NPFFR1: variants seen among roughly 807,000 people sequenced by gnomAD.
NPFFR1 encodes the protein neuropeptide FF receptor 1.
NPFFR1 carries 17 observed loss-of-function variants against 12.7 expected under a neutral mutation model. The observed-to-expected ratio is 1.34, with a 90% CI of 0.92 to 2.01. The LOEUF (loss-of-function observed/expected upper bound fraction) is 2.01. Among genes scored for constraint, NPFFR1 ranks in the 30% most tolerant of loss-of-function variants. The pLI, the probability that NPFFR1 is intolerant of heterozygous loss-of-function variation, is 0.00. For synonymous variants in NPFFR1, 296 were observed against 264.5 expected (o/e 1.12, Z -1.16); for missense variants, 604 against 606.5 (o/e 1.00, Z 0.04).
rs538253029 is a variant in NPFFR1, at chr10:70,259,286, C to A, written c.422+1354G>T. Among the ~76,000 whole-genome samples the A allele has an allele frequency of 1.2e-3, 173 of 148,308 alleles. 1 individual carries two copies. The highest frequency in any genetic ancestry group is 4.3e-3 in the African/African-American group (169 of 39,380). ...GTGACAGAGCAAGACTCTGTCTCCC[C>A]CCTCAAAAAAAAAAAAGAAAGAAAG... On this transcript the variant is annotated intron_variant, in intron 3 of 3. Coordinates refer to ENST00000277942, the MANE Select transcript of NPFFR1 (RefSeq NM_022146.5).
intron 1 of NPFFR1, among the ~76,000 whole-genome samples, chr10:70,281,972 A>G (rs114289406): frequency 1.7e-3 from 256 of 152,356 alleles, no homozygotes; most frequent in African/African-American, 5.9e-3. Flanking sequence ...GGTCAAAACT[A>G]ATCTTAGCAG....
At chr10:70,260,280 C>A (rs930197291) in intron 3 of NPFFR1, among the ~76,000 whole-genome samples, 1 of 152,150 alleles carries the variant, frequency 6.6e-6, no homozygotes, top group Admixed American at 6.5e-5. Flanking sequence ...CGTGACCCAC[C>A]CATAAGCTGG....
chr10:70,273,248 A>C (rs1192725182), intron 1 of NPFFR1, among the ~76,000 whole-genome samples: 1 of 152,174 alleles, frequency 6.6e-6, no homozygotes, highest in Non-Finnish European at 1.5e-5. Flanking sequence ...GGTATTTTTC[A>C]AAAAACTCCC....
In NPFFR1 at chr10:70,283,765, C is replaced by T; in HGVS notation, c.-89G>A. On this transcript the variant is annotated 5_prime_UTR_variant, in exon 1 of 4. Coordinates refer to ENST00000277942, the MANE Select transcript of NPFFR1 (RefSeq NM_022146.5). ...AGCGGGCAGAGGGACGGTCTCCGGG[C>T]ACTTGGTTGCGGGCTGCGCCCCTGC... 1 of 1,444,198 alleles carries T rather than the reference C, an allele frequency of 6.9e-7. No homozygotes were observed. The highest frequency in any genetic ancestry group is 1.2e-5 in the South Asian group (1 of 81,678). 89.5% of individuals were successfully genotyped at this position (1,444,198 alleles called of 1,614,324 possible).
At chr10:70,262,814 C>T (rs1283482248) in intron 2 of NPFFR1, among the ~76,000 whole-genome samples, 1 of 152,080 alleles carries the variant, frequency 6.6e-6, no homozygotes, top group Admixed American at 6.6e-5. Flanking sequence ...CCCTTGAGAG[C>T]ACCTAGAAGA....
At chr10:70,260,069 G>A (rs1840616714) in intron 3 of NPFFR1, among the ~76,000 whole-genome samples, 1 of 152,238 alleles carries the variant, frequency 6.6e-6, no homozygotes, top group Non-Finnish European at 1.5e-5. Context: ...TTGATTGCAA[G>A]CCTCCTTCTC....
chr10:70,281,928 T>A (rs1479084149), intron 1 of NPFFR1, among the ~76,000 whole-genome samples: 1 of 152,214 alleles, frequency 6.6e-6, no homozygotes, highest in South Asian at 2.1e-4. Context: ...AAGTGTACAC[T>A]GTGTTTGGTC....
At chr10:70,266,853 T>C (rs1436857126) in intron 1 of NPFFR1, among the ~76,000 whole-genome samples, 1 of 152,206 alleles carries the variant, frequency 6.6e-6, no homozygotes, top group Non-Finnish European at 1.5e-5. Flanking sequence ...CCCAATTCTT[T>C]CAGCAGCTGT....
At chr10:70,278,673 C>A (rs60559148) in intron 1 of NPFFR1, among the ~76,000 whole-genome samples, 1 of 152,094 alleles carries the variant, frequency 6.6e-6, no homozygotes, top group Non-Finnish European at 1.5e-5. Context: ...AATCAATTCA[C>A]GAGTTTTTTC....
intron 3 of NPFFR1, among the ~76,000 whole-genome samples, chr10:70,259,643 G>A (rs1449162352): frequency 6.6e-6 from 1 of 152,228 alleles, no homozygotes; most frequent in East Asian, 1.9e-4. Flanking sequence ...GAGGTGGAGA[G>A]AGGATGTGAA....
chr10:70,283,949 C>G lies in NPFFR1; in HGVS notation c.-273G>C, dbSNP rs989883692. Among the ~76,000 whole-genome samples the G allele has an allele frequency of 1.3e-5, 2 of 152,172 alleles. No homozygotes were observed. The highest frequency in any genetic ancestry group is 4.8e-5 in the African/African-American group (2 of 41,452). ...CAGCCGCCCGCCGCCCCTCGCCTCCCGACCAGGGGAAGGAGGGGGCTCGTG... is the reference window on the plus strand; with the variant it reads ...CAGCCGCCCGCCGCCCCTCGCCTCCGGACCAGGGGAAGGAGGGGGCTCGTG... On this transcript the variant is annotated 5_prime_UTR_variant, in exon 1 of 4. Coordinates refer to ENST00000277942, the MANE Select transcript of NPFFR1 (RefSeq NM_022146.5).
intron 1 of NPFFR1, chr10:70,278,066 T>TG (rs1840822998): frequency 4.0e-6 from 2 of 494,424 alleles, no homozygotes; most frequent in Non-Finnish European, 8.1e-6. Flanking sequence ...ATATGGGAAC[T>TG]GGTGAGGAGA....
intron 1 of NPFFR1, among the ~76,000 whole-genome samples, chr10:70,280,396 T>C (rs1840848089): frequency 6.6e-6 from 1 of 152,242 alleles, no homozygotes; most frequent in Non-Finnish European, 1.5e-5. Context: ...CACTTACTTA[T>C]CTTTCGTCTT....
At chr10:70,264,387 A>AAAAG (rs1564594985) in intron 2 of NPFFR1, among the ~76,000 whole-genome samples, 30 of 148,848 alleles carry the variant, frequency 2.0e-4, no homozygotes, top group African/African-American at 6.2e-4. Context: ...AAAAAAAAAA[A>AAAAG]AAAGAAAGAA....
At chr10:70,279,345 C>T (rs1339229397) in intron 1 of NPFFR1, among the ~76,000 whole-genome samples, 1 of 152,040 alleles carries the variant, frequency 6.6e-6, no homozygotes, top group South Asian at 2.1e-4. Flanking sequence ...TGGGGGTTCA[C>T]CATGTTGGCT....
intron 2 of NPFFR1, among the ~76,000 whole-genome samples, chr10:70,264,017 T>A (rs1418498698): frequency 6.6e-6 from 1 of 151,954 alleles, no homozygotes; most frequent in Non-Finnish European, 1.5e-5. Flanking sequence ...CCCAGGCAGG[T>A]TGAGACTGCA....
intron 1 of NPFFR1, among the ~76,000 whole-genome samples, chr10:70,278,529 C>T (rs1282157914): frequency 6.6e-6 from 1 of 152,124 alleles, no homozygotes. Context: ...ATTTCATAAG[C>T]ATGCCTTTTA....
At chr10:70,259,145 G>A (rs1052999329) in intron 3 of NPFFR1, among the ~76,000 whole-genome samples, 15 of 152,084 alleles carry the variant, frequency 9.9e-5, no homozygotes, top group African/African-American at 3.6e-4. Flanking sequence ...AATTAGCCAT[G>A]CATGGTGGTG....
At chr10:70,277,255 T>G (rs1466010897) in intron 1 of NPFFR1, among the ~76,000 whole-genome samples, 1 of 152,156 alleles carries the variant, frequency 6.6e-6, no homozygotes, top group African/African-American at 2.4e-5. Context: ...AAAGCTAGAC[T>G]TCATGGAGGC....
Sources: gnomAD v4.1 joint callset for allele counts (sites outside exome capture counted in the v4.1 genomes callset) on GRCh38, gnomAD v4.1.1 for gene constraint, MANE v1.5 for transcripts, NCBI Gene and HGNC (gene_info 2026-07-23, HGNC 2026-07-21) for gene names.